Variants in TOX observed in about 807,000 individuals in gnomAD.
The protein encoded by TOX is thymocyte selection-associated high mobility group box protein TOX.
A neutral mutation model predicts 53.7 loss-of-function variants in TOX; 11 were observed. That is an observed-to-expected ratio of 0.20 (90% confidence interval 0.13 to 0.34). TOX has a LOEUF of 0.34. Ranked by LOEUF, TOX falls within the 10% of genes least tolerant of loss-of-function variation. The pLI, the probability that TOX is intolerant of heterozygous loss-of-function variation, is 1.00. For synonymous variants in TOX, 225 were observed against 245.3 expected, an observed-to-expected ratio of 0.92 and a Z score of 0.77; for missense variants, 570 against 664.6, an observed-to-expected ratio of 0.86 and a Z score of 1.56.
rs181658880 is a variant in TOX, at chr8:58,859,010, G to A, written c.412-7205C>T. On this transcript the variant is annotated intron_variant, in intron 3 of 8. Coordinates refer to ENST00000361421, the MANE Select transcript of TOX (RefSeq NM_014729.3). ...AATGTATACAACAGAATAAATGTGT[G>A]GGGAAATTTAATAATCAAAATTTAT... 5.0e-3 allele frequency among the ~76,000 whole-genome samples: 757 copies of A among 152,250 alleles called. 8 individuals carry two copies. Among genetic ancestry groups the A allele is most frequent in the African/African-American group, 0.017 (710 of 41,558 alleles).
intron 1 of TOX, among the ~76,000 whole-genome samples, chr8:59,042,003 A>T (rs1482012180): frequency 6.6e-6 from 1 of 152,228 alleles, no homozygotes; most frequent in Non-Finnish European, 1.5e-5. Context: ...ATCAAATGCA[A>T]CTGAAAAGAA....
At chr8:58,841,814 A>G (rs1810648690) in intron 4 of TOX, among the ~76,000 whole-genome samples, 1 of 152,238 alleles carries the variant, frequency 6.6e-6, no homozygotes. Context: ...TAAAGCTGCA[A>G]AAAGAGTAAT....
chr8:59,110,629 AT>A lies in TOX; in HGVS notation c.102+8256del, dbSNP rs1804998981. Among the ~76,000 whole-genome samples, 3 of 152,056 alleles carry A rather than the reference AT, an allele frequency of 2.0e-5. No individual in the cohort carries two copies. In the South Asian group the frequency reaches 6.2e-4, roughly 32 times the overall value. On this transcript the variant is annotated intron_variant, in intron 1 of 8. Coordinates refer to ENST00000361421, the MANE Select transcript of TOX (RefSeq NM_014729.3). ...GAGGGCATTTCCCTCTTTCACAGTT[AT>A]TCTCCACTTTTATCTTCTTACAGTG...
intron 3 of TOX, among the ~76,000 whole-genome samples, chr8:58,891,030 C>A (rs932927274): frequency 1.3e-5 from 2 of 152,062 alleles, no homozygotes; most frequent in African/African-American, 4.8e-5. Flanking sequence ...TCCTCTCTCT[C>A]CTCCCTGCAT....
At chr8:58,999,679 A>T (rs927145799) in intron 1 of TOX, among the ~76,000 whole-genome samples, 5 of 152,206 alleles carry the variant, frequency 3.3e-5, no homozygotes, top group Non-Finnish European at 7.3e-5. Context: ...TGTGTGACAA[A>T]GACAGGCAGA....
intron 1 of TOX, among the ~76,000 whole-genome samples, chr8:58,970,540 A>C (rs1230798432): frequency 1.3e-5 from 2 of 152,194 alleles, no homozygotes; most frequent in African/African-American, 4.8e-5. Flanking sequence ...CCTTACCACC[A>C]GAAGGTAATC....
intron 4 of TOX, among the ~76,000 whole-genome samples, chr8:58,848,714 G>C (rs1810760549): frequency 6.6e-6 from 1 of 152,012 alleles, no homozygotes; most frequent in Non-Finnish European, 1.5e-5. Flanking sequence ...ATGACTTAAG[G>C]CTGTCAACAC....
intron 1 of TOX, among the ~76,000 whole-genome samples, chr8:59,078,595 T>C (rs1281476309): frequency 1.3e-5 from 2 of 152,196 alleles, no homozygotes; most frequent in Non-Finnish European, 2.9e-5. Flanking sequence ...TCCTATATAT[T>C]CGTGAACCAA....
At chr8:58,866,689 G>A (rs1033724014) in intron 3 of TOX, among the ~76,000 whole-genome samples, 1 of 152,108 alleles carries the variant, frequency 6.6e-6, no homozygotes, top group African/African-American at 2.4e-5. Flanking sequence ...CAACTCTGTT[G>A]TCCCCTAATT....
At chr8:58,965,964 T>C (rs112180515) in intron 1 of TOX, among the ~76,000 whole-genome samples, 5,562 of 148,908 alleles carry the variant, frequency 0.037, 309 homozygotes, top group African/African-American at 0.11. Context: ...GAAGACTTTG[T>C]TGTTTCCTAG....
chr8:58,899,752 G>A (rs770289232), intron 3 of TOX, among the ~76,000 whole-genome samples: 14 of 152,176 alleles, frequency 9.2e-5, no homozygotes, highest in African/African-American at 2.9e-4. Context: ...TTTGGATTCC[G>A]GATTTTCAGA....
At chr8:58,954,559 G>A (rs907421626) in intron 2 of TOX, among the ~76,000 whole-genome samples, 1 of 152,040 alleles carries the variant, frequency 6.6e-6, no homozygotes, top group African/African-American at 2.4e-5. Context: ...TGCCACCCAG[G>A]GACAAATACA....
intron 1 of TOX, among the ~76,000 whole-genome samples, chr8:58,983,717 A>G (rs1004573028): frequency 1.3e-5 from 2 of 152,168 alleles, no homozygotes; most frequent in African/African-American, 2.4e-5. Flanking sequence ...TATGTTTTTG[A>G]GTGTATTCTC....
chr8:58,827,231 G>A (rs1323154342), intron 5 of TOX, among the ~76,000 whole-genome samples: 4 of 152,162 alleles, frequency 2.6e-5, no homozygotes, highest in Non-Finnish European at 5.9e-5. Flanking sequence ...AACCACATGT[G>A]AGTAAACAAG....
chr8:58,819,509 T>C (rs1348620651), intron 6 of TOX, among the ~76,000 whole-genome samples: 1 of 152,184 alleles, frequency 6.6e-6, no homozygotes, highest in African/African-American at 2.4e-5. Context: ...AGCCATAAAG[T>C]GGGGGTCGTG....
Position 58,883,347 on chromosome 8 carries a change from C to T in TOX, c.412-31542G>A, listed in dbSNP as rs1012856638. On this transcript the variant is annotated intron_variant, in intron 3 of 8. Coordinates refer to ENST00000361421, the MANE Select transcript of TOX (RefSeq NM_014729.3). ...ACTTTGATTGAACAACCTTATAGATCAAACATTTTTAAATGATCTATTTTA... is the reference window on the plus strand; with the variant it reads ...ACTTTGATTGAACAACCTTATAGATTAAACATTTTTAAATGATCTATTTTA... Among the ~76,000 whole-genome samples, 38 of 152,172 alleles carry T rather than the reference C, an allele frequency of 2.5e-4. 1 individual carries two copies. The highest frequency in any genetic ancestry group is 2.4e-3 in the Admixed American group (37 of 15,274).
chr8:59,087,660 A>C (rs942872887), intron 1 of TOX, among the ~76,000 whole-genome samples: 7 of 152,192 alleles, frequency 4.6e-5, no homozygotes, highest in African/African-American at 1.7e-4. Flanking sequence ...ATAATAATTT[A>C]CTCAATCTTT....
At chr8:59,007,797 A>G (rs1813819609) in intron 1 of TOX, among the ~76,000 whole-genome samples, 2 of 152,240 alleles carry the variant, frequency 1.3e-5, no homozygotes. Flanking sequence ...GAGATATTAA[A>G]CTACACAGGT....
intron 1 of TOX, among the ~76,000 whole-genome samples, chr8:59,082,792 T>G (rs778948142): frequency 5.9e-5 from 9 of 152,164 alleles, no homozygotes; most frequent in Non-Finnish European, 1.2e-4. Flanking sequence ...TTTTAATATA[T>G]CCTCATTTGC....
Sources: allele counts gnomAD v4.1 joint callset (sites outside exome capture counted in the v4.1 genomes callset), GRCh38; gene constraint gnomAD v4.1.1; transcripts MANE v1.5; gene names NCBI Gene and HGNC (gene_info 2026-07-23, HGNC 2026-07-21).